EPS8: variants seen among roughly 807,000 people sequenced by gnomAD.
The protein encoded by EPS8 is epidermal growth factor receptor kinase substrate 8.
EPS8 carries 42 observed loss-of-function variants against 103.8 expected under a neutral mutation model. That is an observed-to-expected ratio of 0.40 (90% CI 0.32 to 0.52). The LOEUF is 0.52. EPS8 is among the 20% of genes least tolerant of loss of function. EPS8 has a pLI of 0.40. For missense variants in EPS8, 969 were observed against 1,005.1 expected, an observed-to-expected ratio of 0.96 and a Z score of 0.49; for synonymous variants, 344 against 344.6, an observed-to-expected ratio of 1.00 and a Z score of 0.02.
At position 15,774,727 on chromosome 12, in the gene EPS8, A is replaced by T. The variant is rs1177623115; in HGVS notation, c.-22+14434T>A. 2.0e-5 allele frequency among the ~76,000 whole-genome samples: 3 copies of T among 149,120 alleles called. No homozygotes were observed. In the Admixed American group the frequency reaches 2.0e-4, roughly 10 times the overall value. ...TATATATATAAAAAATAGTGACCAA[A>T]ATATTTGGTCCAAATTACCAACAGG... On this transcript the variant is annotated intron_variant, in intron 1 of 20. Transcript: ENST00000281172.
At chr12:15,722,219 G>A (rs138231653) in intron 1 of EPS8, among the ~76,000 whole-genome samples, 208 of 150,648 alleles carry the variant, frequency 1.4e-3, no homozygotes, top group African/African-American at 4.9e-3. Flanking sequence ...GCAAGAAAAA[G>A]TCATAATGTT....
rs147047156 is a variant in EPS8 at position 15,684,862 on chromosome 12, A to G, written c.-21-1890T>C. Among the ~76,000 whole-genome samples the G allele has an allele frequency of 4.0e-4, 61 of 152,354 alleles. No individual in the cohort carries two copies. The East Asian group carries it at 0.01, about 26-fold the overall frequency. The stretch of plus-strand genomic sequence containing the variant: ...CTCTGCCCTATACATGCATGTACTT[A>G]TAAAATTACATGTATATTACATTGC... On this transcript the variant is annotated intron_variant, in intron 1 of 20. Coordinates refer to ENST00000281172, the MANE Select transcript of EPS8 (RefSeq NM_004447.6). This position sits in a 1 kb window ranked among gnomAD's most constrained non-coding sequence, Gnocchi z 4.9.
At chr12:15,636,337 G>T (rs995883740) in intron 17 of EPS8, among the ~76,000 whole-genome samples, 1 of 152,002 alleles carries the variant, frequency 6.6e-6, no homozygotes, top group African/African-American at 2.4e-5. Context: ...TCAATCTTTT[G>T]TGTCAATATC....
chr12:15,783,202 C>CA (rs754825811), intron 1 of EPS8, among the ~76,000 whole-genome samples: 4 of 152,150 alleles, frequency 2.6e-5, no homozygotes, highest in Non-Finnish European at 4.4e-5. Flanking sequence ...CTTACAATAT[C>CA]AATAAGTACA....
At position 15,749,374 on chromosome 12, in the gene EPS8, A is replaced by C. The variant is rs1946907893; in HGVS notation, c.-22+39787T>G. ...ATCACTTACCCTGCACAGTATACTC[A>C]AGAGCAGGAATGTCTTGTTCAACAT... On this transcript the variant is annotated intron_variant, in intron 1 of 20. Transcript: ENST00000281172. This position sits in a 1 kb window ranked among gnomAD's most constrained non-coding sequence, Gnocchi z 4.0. 6.6e-6 allele frequency among the ~76,000 whole-genome samples: 1 copy of C among 152,172 alleles called. No homozygotes were observed. Among genetic ancestry groups the C allele is most frequent in the Admixed American group, 6.5e-5 (1 of 15,282 alleles).
chr12:15,744,402 C>A (rs1209397355), intron 1 of EPS8, among the ~76,000 whole-genome samples: 1 of 152,108 alleles, frequency 6.6e-6, no homozygotes, highest in Non-Finnish European at 1.5e-5. Context: ...GTTCTAGATC[C>A]AAGTATACAA....
rs1380870828 is a variant in EPS8 at position 15,785,163 on chromosome 12, T to C, written c.-22+3998A>G. Among the ~76,000 whole-genome samples the C allele has an allele frequency of 1.3e-5, 2 of 152,150 alleles. No individual in the cohort carries two copies. Among genetic ancestry groups the C allele is most frequent in the Admixed American group, 6.5e-5 (1 of 15,280 alleles). ...AGGAATCCCAAGGTGGAATGCAGAT[T>C]GTAACAAAGAAATCTAACTGTATTA... On this transcript the variant is annotated intron_variant, in intron 1 of 20. Coordinates refer to ENST00000281172, the MANE Select transcript of EPS8 (RefSeq NM_004447.6). This position sits in a 1 kb window ranked among gnomAD's most constrained non-coding sequence, Gnocchi z 4.9.
rs1270236414 is a variant in EPS8 at position 15,669,815 on chromosome 12, G to T, written c.215C>A (p.Thr72Asn). ...AGCATCTTTCCGATCCAGGACAAAG[G>T]TAGTCAAGTGCTTACAATTGGCAAA... ...ISQYRVEHLT[T>N]FVLDRKDAMI... Residue 72 changes from threonine to asparagine, a missense_variant, in exon 5 of 21, where the codon ACC becomes AAC. By Grantham distance (65) the Thr-to-Asn change is moderately conservative. Transcript: ENST00000281172. 1 of 1,597,814 alleles carries T rather than the reference G, an allele frequency of 6.3e-7. No homozygotes were observed. Among genetic ancestry groups the T allele is most frequent in the Admixed American group, 1.8e-5 (1 of 55,864 alleles).
At chr12:15,709,841 GATCAGAATGAAACTGTTCCACCTCAGATC>G (rs1946437843) in intron 1 of EPS8, among the ~76,000 whole-genome samples, 1 of 152,204 alleles carries the variant, frequency 6.6e-6, no homozygotes, top group African/African-American at 2.4e-5. Context: ...AGGCGGGATG[GATCAGAATGAAACTGTTCCACCTCAGATC>G]ATCAGGCATT....
At chr12:15,708,926 T>G (rs1036895904) in intron 1 of EPS8, among the ~76,000 whole-genome samples, 47 of 152,218 alleles carry the variant, frequency 3.1e-4, no homozygotes, top group African/African-American at 1.1e-3. Flanking sequence ...GCAACATGAT[T>G]TAAAACATTT....
chr12:15,635,634 T>A (rs1239544915), intron 17 of EPS8, among the ~76,000 whole-genome samples: 1 of 152,190 alleles, frequency 6.6e-6, no homozygotes, highest in Non-Finnish European at 1.5e-5. Context: ...ATTTCCACTT[T>A]TATTTTAGGG....
intron 1 of EPS8, among the ~76,000 whole-genome samples, chr12:15,705,739 C>T (rs11056599): frequency 6.6e-6 from 1 of 152,082 alleles, no homozygotes; most frequent in Non-Finnish European, 1.5e-5. Context: ...AGTTAGAATA[C>T]CCTCTTGGAA....
intron 1 of EPS8, among the ~76,000 whole-genome samples, chr12:15,750,224 G>A (rs899374614): frequency 6.6e-6 from 1 of 152,096 alleles, no homozygotes; most frequent in Non-Finnish European, 1.5e-5. Flanking sequence ...AATTGTCCCT[G>A]ACAAGCAAGC....
chr12:15,686,056 G>A (rs113486566), intron 1 of EPS8, among the ~76,000 whole-genome samples: 1 of 151,992 alleles, frequency 6.6e-6, no homozygotes, highest in Non-Finnish European at 1.5e-5. Context: ...CAAGAGGAGG[G>A]TGAACTGCAG....
At chr12:15,753,029 T>C (rs1946949636) in intron 1 of EPS8, among the ~76,000 whole-genome samples, 1 of 151,630 alleles carries the variant, frequency 6.6e-6, no homozygotes, top group South Asian at 2.1e-4. Flanking sequence ...AGGCAGCAAC[T>C]AGATCCTTCA....
chr12:15,680,931 A>C lies in EPS8; in HGVS notation c.136+295T>G, dbSNP rs77188264. Reference sequence around the variant, plus strand: ...ACTAGATCAGTCACAAAGATCAACAAACATTATTACAAGTAGTAAATGGGA... The same window carrying C: ...ACTAGATCAGTCACAAAGATCAACACACATTATTACAAGTAGTAAATGGGA... On this transcript the variant is annotated intron_variant, in intron 3 of 20. Transcript: ENST00000281172. 3.2e-3 allele frequency among the ~76,000 whole-genome samples: 482 copies of C among 152,220 alleles called. 3 individuals are homozygous for C. Among genetic ancestry groups the C allele is most frequent in the African/African-American group, 0.011 (460 of 41,542 alleles).
At chr12:15,658,751 T>C (rs1489862885) in intron 10 of EPS8, among the ~76,000 whole-genome samples, 166 bp from the exon 11 acceptor site, 1 of 152,162 alleles carries the variant, frequency 6.6e-6, no homozygotes, top group South Asian at 2.1e-4. Context: ...ACTGAGAAGA[T>C]ACAAATTTCA....
At chr12:15,710,022 C>T (rs1264200244) in intron 1 of EPS8, among the ~76,000 whole-genome samples, 2 of 152,208 alleles carry the variant, frequency 1.3e-5, no homozygotes, top group Non-Finnish European at 2.9e-5. Context: ...TGGCCTACTG[C>T]TCACCTTCTG....
intron 1 of EPS8, among the ~76,000 whole-genome samples, chr12:15,783,407 T>G (rs1016738317): frequency 1.3e-5 from 2 of 152,060 alleles, no homozygotes; most frequent in Admixed American, 1.3e-4. Flanking sequence ...ATACAAAAAT[T>G]TCTGACTGTG....
Sources: gnomAD v4.1 joint callset for allele counts (sites outside exome capture counted in the v4.1 genomes callset) on GRCh38, gnomAD v4.1.1 for gene constraint, Gnocchi (gnomAD v3.1) non-coding constraint, MANE v1.5 for transcripts, NCBI Gene and HGNC (gene_info 2026-07-23, HGNC 2026-07-21) for gene names.